XKR4: variants seen among roughly 807,000 people sequenced by gnomAD.
The protein encoded by XKR4 is XK related 4.
In XKR4, 12 loss-of-function variants were observed where a neutral mutation model predicts 53.9. That is an observed-to-expected ratio of 0.22 (90% CI 0.14 to 0.36). The LOEUF is 0.36. Among genes scored for constraint, XKR4 ranks in the 10% least tolerant of loss-of-function variants. The pLI is 1.00. For synonymous variants in XKR4, 354 were observed against 362.4 expected (o/e 0.98, Z 0.26); for missense variants, 799 against 859.5 (o/e 0.93, Z 0.88).
intron 2 of XKR4, among the ~76,000 whole-genome samples, chr8:55,521,650 G>A (rs1312729905): frequency 6.6e-6 from 1 of 152,164 alleles, no homozygotes; most frequent in Non-Finnish European, 1.5e-5. Context: ...ATGAGAAATG[G>A]CTCTTAGAAA....
chr8:55,427,939 G>A (rs1194731169), intron 2 of XKR4, among the ~76,000 whole-genome samples: 1 of 152,122 alleles, frequency 6.6e-6, no homozygotes, highest in South Asian at 2.1e-4. Flanking sequence ...AGGGTCTCAC[G>A]ATGAGGCTAC....
chr8:55,314,133 T>A (rs1819425100), intron 1 of XKR4, among the ~76,000 whole-genome samples: 1 of 152,204 alleles, frequency 6.6e-6, no homozygotes, highest in Non-Finnish European at 1.5e-5. Context: ...ATCCTTTGGT[T>A]AAAATTCTTC....
intron 1 of XKR4, among the ~76,000 whole-genome samples, chr8:55,246,816 C>A (rs1057027178): frequency 6.6e-6 from 1 of 151,844 alleles, no homozygotes; most frequent in South Asian, 2.1e-4. Context: ...CTTTTAGCCA[C>A]AAAACTTCCT....
At chr8:55,170,533 T>C (rs1817143239) in intron 1 of XKR4, among the ~76,000 whole-genome samples, 1 of 152,166 alleles carries the variant, frequency 6.6e-6, no homozygotes, top group South Asian at 2.1e-4. Flanking sequence ...TTTAGCCCAG[T>C]GAGACCTGTG....
intron 1 of XKR4, among the ~76,000 whole-genome samples, chr8:55,201,870 C>A (rs1033101798): frequency 1.3e-5 from 2 of 152,154 alleles, no homozygotes; most frequent in African/African-American, 4.8e-5. Flanking sequence ...CAATCAATAT[C>A]TTGTGTCCAT....
chr8:55,533,928 G>GT lies in XKR4; in HGVS notation c.*9707dup, dbSNP rs1214851028. 6.6e-6 allele frequency: 1 copy of GT among 152,000 alleles called. No homozygotes were observed. Among genetic ancestry groups the GT allele is most frequent in the Non-Finnish European group, 1.5e-5 (1 of 67,994 alleles). 9.4% of individuals were successfully genotyped at this position (152,000 alleles called of 1,614,324 possible). A position where few individuals can be genotyped will look rare whatever the true frequency, so the allele number is the denominator to read the frequency against. On this transcript the variant is annotated 3_prime_UTR_variant, in exon 3 of 3. Coordinates refer to ENST00000327381, the MANE Select transcript of XKR4 (RefSeq NM_052898.2). ...CTATGAATATTCACCTGCTTCATTTGTTTTTTCCAGTAAACGCTGTTTTGA... is the reference window on the plus strand; with the variant it reads ...CTATGAATATTCACCTGCTTCATTTGTTTTTTTCCAGTAAACGCTGTTTTGA...
intron 1 of XKR4, among the ~76,000 whole-genome samples, chr8:55,172,376 A>G (rs1817173636): frequency 1.3e-5 from 2 of 152,082 alleles, no homozygotes; most frequent in South Asian, 4.1e-4. Context: ...TCCAGTGTGA[A>G]AAATTTTGCA....
At chr8:55,335,181 G>A (rs185166758) in intron 1 of XKR4, among the ~76,000 whole-genome samples, 3 of 152,248 alleles carry the variant, frequency 2.0e-5, no homozygotes, top group East Asian at 1.9e-4. Flanking sequence ...AAGCCCAGAG[G>A]CAATAAAGTT....
intron 1 of XKR4, among the ~76,000 whole-genome samples, chr8:55,230,575 C>T (rs1013314659): frequency 6.6e-6 from 1 of 152,072 alleles, no homozygotes; most frequent in Non-Finnish European, 1.5e-5. Context: ...ACCATGTTGG[C>T]CAGGCTGGTC....
At chr8:55,306,209 GGGTGGTAGGCTGTTTTCATTTAA>G (rs1436158197) in intron 1 of XKR4, among the ~76,000 whole-genome samples, 1 of 152,186 alleles carries the variant, frequency 6.6e-6, no homozygotes, top group Non-Finnish European at 1.5e-5. Context: ...ACATTGAAAT[GGGTGGTAGGCTGTTTTCATTTAA>G]GGAAATGCTT....
chr8:55,515,046 A>G (rs1686722270), intron 2 of XKR4, among the ~76,000 whole-genome samples: 1 of 152,214 alleles, frequency 6.6e-6, no homozygotes, highest in Non-Finnish European at 1.5e-5. Context: ...ATATTTGTCA[A>G]GAAGGAGGAG....
intron 1 of XKR4, chr8:55,135,534 A>G: frequency 2.2e-6 from 1 of 448,196 alleles, no homozygotes. Flanking sequence ...CCCTCAGTTG[A>G]TGACAAGGAG....
At chr8:55,416,526 G>T (rs2129391882) in intron 2 of XKR4, among the ~76,000 whole-genome samples, 1 of 152,298 alleles carries the variant, frequency 6.6e-6, no homozygotes, top group East Asian at 1.9e-4. Flanking sequence ...CAGTTTTGCT[G>T]ATAGAAAGTC....
Position 55,239,572 on chromosome 8 carries a change from AATTG to A in XKR4, c.807-118101_807-118098del, listed in dbSNP as rs753815298. ...CTGCTGCCCCACCTGGCTTCTGTTG[AATTG>A]ATTGTGTTCCTCTTCCCCTCTCAGC... On this transcript the variant is annotated intron_variant, in intron 1 of 2. Transcript: ENST00000327381. Among the ~76,000 whole-genome samples, 11 of 152,068 alleles carry A rather than the reference AATTG, an allele frequency of 7.2e-5. 1 individual carries two copies. Among genetic ancestry groups the A allele is most frequent in the Non-Finnish European group, 1.2e-4 (8 of 68,016 alleles).
At position 55,319,973 on chromosome 8, in the gene XKR4, G is replaced by T. The variant is rs188891985; in HGVS notation, c.807-37705G>T. 3.9e-4 allele frequency among the ~76,000 whole-genome samples: 60 copies of T among 152,314 alleles called. No individual in the cohort carries two copies. In the East Asian group the frequency reaches 0.011, roughly 27 times the overall value. On this transcript the variant is annotated intron_variant, in intron 1 of 2. Transcript: ENST00000327381. ...AGAATAAGGGTGAACCTTAGCAGTA[G>T]CCGTTATGTCTTTCTCTCCCAGTTT...
At chr8:55,354,376 G>A (rs938686816) in intron 1 of XKR4, among the ~76,000 whole-genome samples, 1 of 152,144 alleles carries the variant, frequency 6.6e-6, no homozygotes. Context: ...TCCCAAACAA[G>A]CCTCCATACT....
chr8:55,378,407 A>C (rs140266455), intron 2 of XKR4, among the ~76,000 whole-genome samples: 70 of 152,322 alleles, frequency 4.6e-4, no homozygotes, highest in African/African-American at 1.6e-3. Flanking sequence ...TTATATTAAG[A>C]GCTATAAAAT....
intron 2 of XKR4, among the ~76,000 whole-genome samples, chr8:55,468,367 A>C (rs1427788543): frequency 6.6e-6 from 1 of 152,146 alleles, no homozygotes; most frequent in Non-Finnish European, 1.5e-5. Context: ...GAAAACAGAC[A>C]GAAGTATGAA....
chr8:55,145,074 C>T (rs773073539), intron 1 of XKR4, among the ~76,000 whole-genome samples: 5 of 152,014 alleles, frequency 3.3e-5, no homozygotes, highest in African/African-American at 1.2e-4. Context: ...TCCAGGGATC[C>T]GCCCGCCTTG....
Sources: allele counts gnomAD v4.1 joint callset (sites outside exome capture counted in the v4.1 genomes callset), GRCh38; gene constraint gnomAD v4.1.1; transcripts MANE v1.5; gene names NCBI Gene and HGNC (gene_info 2026-07-23, HGNC 2026-07-21).